Variants in ERBB4 observed in about 807,000 individuals in gnomAD.
The protein encoded by ERBB4 is erb-b2 receptor tyrosine kinase 4, also known as receptor tyrosine-protein kinase erbB-4.
In ERBB4, 42 loss-of-function variants were observed where a neutral mutation model predicts 158.0. The observed-to-expected ratio is 0.27, with a 90% CI of 0.21 to 0.34. The LOEUF is 0.34. Ranked by LOEUF, ERBB4 falls within the 10% of genes least tolerant of loss-of-function variation. The pLI, the probability that ERBB4 is intolerant of heterozygous loss-of-function variation, is 1.00. For missense variants in ERBB4, 1,333 were observed against 1,624.1 expected (o/e 0.82, Z 3.08); for synonymous variants, 583 against 558.7 (o/e 1.04, Z -0.61).
chr2:211,759,829 G>A (rs2075366492), intron 4 of ERBB4, among the ~76,000 whole-genome samples: 3 of 129,136 alleles, frequency 2.3e-5, no homozygotes, highest in East Asian at 2.0e-4. Flanking sequence ...GTGTGTGTGT[G>A]TGTGTGTGTG....
At chr2:212,426,030 C>G (rs1182971887) in intron 1 of ERBB4, among the ~76,000 whole-genome samples, 2 of 151,930 alleles carry the variant, frequency 1.3e-5, no homozygotes, top group Non-Finnish European at 2.9e-5. Flanking sequence ...GAAATGTCTT[C>G]TTATATCAAA....
intron 5 of ERBB4, among the ~76,000 whole-genome samples, chr2:211,745,523 G>T (rs2074938733): frequency 6.6e-6 from 1 of 152,046 alleles, no homozygotes; most frequent in Non-Finnish European, 1.5e-5. Context: ...TCACAAGGTG[G>T]AACTGGCCTA....
chr2:211,862,464 T>A (rs1042273456), intron 3 of ERBB4, among the ~76,000 whole-genome samples: 2 of 152,132 alleles, frequency 1.3e-5, no homozygotes, highest in Non-Finnish European at 2.9e-5. Context: ...GAGATTCCTG[T>A]TCAAACATAA....
At position 211,776,155 on chromosome 2, in the gene ERBB4, G is replaced by C. The variant is rs371636011; in HGVS notation, c.556+11870C>G. Reference sequence around the variant, plus strand: ...TTGGGTCTTAGCTATTGTGTCTTCAGGGTATTAAAGCCACTTTGTAGTACA... The same window carrying C: ...TTGGGTCTTAGCTATTGTGTCTTCACGGTATTAAAGCCACTTTGTAGTACA... On this transcript the variant is annotated intron_variant, in intron 4 of 27. Coordinates refer to ENST00000342788, the MANE Select transcript of ERBB4 (RefSeq NM_005235.3). Among the ~76,000 whole-genome samples, 16 of 152,272 alleles carry C rather than the reference G, an allele frequency of 1.1e-4. No individual in the cohort carries two copies. The South Asian group carries it at 3.3e-3, about 32-fold the overall frequency.
intron 17 of ERBB4, among the ~76,000 whole-genome samples, chr2:211,625,274 T>C (rs1298108764): frequency 6.6e-6 from 1 of 152,180 alleles, no homozygotes; most frequent in Non-Finnish European, 1.5e-5. Flanking sequence ...CAAAGGGTAC[T>C]ACTACTCAAA....
At chr2:212,099,258 T>C (rs564032750) in intron 2 of ERBB4, among the ~76,000 whole-genome samples, 2 of 151,912 alleles carry the variant, frequency 1.3e-5, no homozygotes, top group East Asian at 3.9e-4. Context: ...CTCAAATAAA[T>C]ATACAAATAA....
At chr2:211,552,334 C>A (rs890484669) in intron 20 of ERBB4, among the ~76,000 whole-genome samples, 5 of 151,454 alleles carry the variant, frequency 3.3e-5, no homozygotes, top group African/African-American at 1.2e-4. Context: ...CAAAAATACA[C>A]TGAAAAATTC....
chr2:212,116,273 T>C (rs2079569255), intron 2 of ERBB4, among the ~76,000 whole-genome samples: 1 of 151,840 alleles, frequency 6.6e-6, no homozygotes, highest in Admixed American at 6.6e-5. Context: ...CTAGTCTATT[T>C]ATATTAGATT....
At chr2:212,300,129 T>A (rs1204038858) in intron 1 of ERBB4, among the ~76,000 whole-genome samples, 1 of 151,536 alleles carries the variant, frequency 6.6e-6, no homozygotes, top group Non-Finnish European at 1.5e-5. Context: ...TCACATATAA[T>A]TACTTAAAAG....
intron 3 of ERBB4, among the ~76,000 whole-genome samples, chr2:211,898,131 T>C (rs1575340091): frequency 6.6e-6 from 1 of 151,988 alleles, no homozygotes; most frequent in Non-Finnish European, 1.5e-5. Flanking sequence ...ATTTTAAGAG[T>C]TAGTCAGTAG....
chr2:211,954,590 T>C (rs1448755420), intron 2 of ERBB4, among the ~76,000 whole-genome samples: 1 of 152,044 alleles, frequency 6.6e-6, no homozygotes, highest in South Asian at 2.1e-4. Context: ...TTAAGGTCAA[T>C]AGACTAAGTC....
chr2:212,077,685 TG>T, intron 2 of ERBB4, among the ~76,000 whole-genome samples: 1 of 152,020 alleles, frequency 6.6e-6, no homozygotes, highest in Admixed American at 6.6e-5. Flanking sequence ...TAAGAGAAGC[TG>T]GTGTTAAATT....
At chr2:211,831,132 T>A (rs1337888177) in intron 3 of ERBB4, among the ~76,000 whole-genome samples, 1 of 152,166 alleles carries the variant, frequency 6.6e-6, no homozygotes, top group Non-Finnish European at 1.5e-5. Flanking sequence ...TGAATAAAAA[T>A]CATAATTAAA....
At chr2:211,518,987 T>C (rs1192367229) in intron 20 of ERBB4, among the ~76,000 whole-genome samples, 1 of 152,098 alleles carries the variant, frequency 6.6e-6, no homozygotes, top group Non-Finnish European at 1.5e-5. Flanking sequence ...GGGGAAGGTT[T>C]TGCTTCCTTG....
Position 211,524,451 on chromosome 2 carries a change from G to C in ERBB4, c.2487+37452C>G, listed in dbSNP as rs180902250. On this transcript the variant is annotated intron_variant, in intron 20 of 27. Transcript: ENST00000342788. ...GGGGTGGTGCTCGTCGGGGAGGCTC[G>C]GGCCGCACAGGAGCCCATGGAGTGG... Among the ~76,000 whole-genome samples, 135 of 146,496 alleles carry C rather than the reference G, an allele frequency of 9.2e-4. 2 individuals are homozygous for C. The highest frequency in any genetic ancestry group is 3.6e-3 in the African/African-American group (129 of 36,254).
At chr2:212,320,523 A>AAC (rs1553617040) in intron 1 of ERBB4, among the ~76,000 whole-genome samples, 4 of 148,970 alleles carry the variant, frequency 2.7e-5, no homozygotes, top group East Asian at 2.0e-4. Flanking sequence ...AGAAAAAAAA[A>AAC]AACAACACAA....
intron 3 of ERBB4, among the ~76,000 whole-genome samples, chr2:211,855,147 T>C (rs1209298845): frequency 6.6e-6 from 1 of 152,322 alleles, no homozygotes; most frequent in East Asian, 1.9e-4. Context: ...GGATATCTTC[T>C]GTTGGAGAGT....
intron 1 of ERBB4, among the ~76,000 whole-genome samples, chr2:212,486,562 C>T (rs1042822270): frequency 6.6e-6 from 1 of 152,084 alleles, no homozygotes; most frequent in African/African-American, 2.4e-5. Flanking sequence ...CTAGGTAGTA[C>T]CTTTTTTACT....
chr2:211,795,402 T>G (rs1332548790), intron 3 of ERBB4, among the ~76,000 whole-genome samples: 1 of 151,920 alleles, frequency 6.6e-6, no homozygotes, highest in Non-Finnish European at 1.5e-5. Flanking sequence ...TTTAAATTGC[T>G]AATTATTTAA....
Sources: gnomAD v4.1 joint callset for allele counts (sites outside exome capture counted in the v4.1 genomes callset) on GRCh38, gnomAD v4.1.1 for gene constraint, MANE v1.5 for transcripts, NCBI Gene and HGNC (gene_info 2026-07-23, HGNC 2026-07-21) for gene names.